Variants in FBH1 observed in about 807,000 individuals in gnomAD.
FBH1 encodes DNA 3'-5' helicase 1.
FBH1 carries 43 observed loss-of-function variants against 115.5 expected under a neutral mutation model. The observed-to-expected ratio is 0.37, with a 90% CI of 0.29 to 0.48. The LOEUF is 0.48. Ranked by LOEUF, FBH1 falls within the 20% of genes least tolerant of loss-of-function variation. The pLI, the probability that FBH1 is intolerant of heterozygous loss-of-function variation, is 0.99. For synonymous variants in FBH1, 524 were observed against 507.8 expected, an observed-to-expected ratio of 1.03 and a Z score of -0.43; for missense variants, 1,001 against 1,337.3, an observed-to-expected ratio of 0.75 and a Z score of 3.92.
Position 5,923,784 on chromosome 10 carries a change from CCCG to C in FBH1, c.2398+89_2398+91del. On this transcript the variant is annotated intron_variant, in intron 16 of 20. Transcript: ENST00000362091. This position sits in a 1 kb window ranked among gnomAD's most constrained non-coding sequence, Gnocchi z 5.7. ...AAGCAGGCCCAGTCTGAGTCAGGGA[CCCG>C]TTTCCCTCCAGAGAAGGGCGAGCTA... 7.9e-7 allele frequency: 1 copy of C among 1,260,564 alleles called. No homozygotes were observed. The highest frequency in any genetic ancestry group is 1.1e-6 in the Non-Finnish European group (1 of 879,066). The allele number at this position is 1,260,564 out of a possible 1,614,324, so 78.1% of individuals were successfully genotyped here.
In FBH1 at chr10:5,914,392, C is replaced by G; in HGVS notation, c.1396+123C>G. ...TGTCATCCAACTAATAATTCAATAA[C>G]AGATCAAATAATCAATCTCAAAAGC... On this transcript the variant is annotated intron_variant, in intron 8 of 20. Coordinates refer to ENST00000362091, the MANE Select transcript of FBH1 (RefSeq NM_178150.3). This position sits in a 1 kb window ranked among gnomAD's most constrained non-coding sequence, Gnocchi z 5.2. 1 of 795,102 alleles carries G rather than the reference C, an allele frequency of 1.3e-6. No homozygotes were observed. The highest frequency in any genetic ancestry group is 2.1e-6 in the Non-Finnish European group (1 of 475,790). 49.3% of individuals were successfully genotyped at this position (795,102 alleles called of 1,614,324 possible). A position where few individuals can be genotyped will look rare whatever the true frequency, so the allele number is the denominator to read the frequency against.
intron 2 of FBH1, among the ~76,000 whole-genome samples, chr10:5,903,804 T>C (rs1472550541): frequency 6.6e-6 from 1 of 152,218 alleles, no homozygotes; most frequent in South Asian, 2.1e-4. Context: ...TCATCTTCTC[T>C]GTCCAATCTG....
At position 5,937,259 on chromosome 10, in the gene FBH1, C is replaced by G. The variant is rs34731660; in HGVS notation, c.3111C>G (p.Ala1037=). 5.0e-3 allele frequency: 8,021 copies of G among 1,603,866 alleles called. 67 individuals are homozygous for G. The highest frequency in any genetic ancestry group is 0.037 in the African/African-American group (2,783 of 74,748). The part of the protein sequence containing the change: ...VENIVLPRHE[A]LLFLVF ...ACATCGTACTGCCCCGGCATGAGGC[C>G]CTGCTCTTCCTCGTCTTCTGAGGAC... The change falls in exon 21 of 21, where the codon GCC becomes GCG. Residue 1037 remains alanine (A), a synonymous_variant. Transcript: ENST00000362091.
chr10:5,918,421 G>C lies in FBH1; in HGVS notation c.2043G>C (p.Arg681=). 6.2e-7 allele frequency: 1 copy of C among 1,612,688 alleles called. No individual in the cohort carries two copies. The highest frequency in any genetic ancestry group is 8.5e-7 in the Non-Finnish European group (1 of 1,179,644). ...CGCACCAGCAGATCTATACCTTCCG[G>C]GGTGCGGTCAACGCCCTGTTCACAG... ...GDPHQQIYTF[R]GAVNALFTVP... Residue 681 remains arginine (R), a synonymous_variant, in exon 13 of 21, where the codon CGG becomes CGC. Transcript: ENST00000362091. The surrounding 1 kb of genome is among the most constrained non-coding windows in gnomAD (Gnocchi z 4.0).
At chr10:5,926,905 A>G (rs1414728958) in intron 18 of FBH1, among the ~76,000 whole-genome samples, 1 of 152,240 alleles carries the variant, frequency 6.6e-6, no homozygotes, top group East Asian at 1.9e-4. Context: ...CAGCACAGAC[A>G]CACAGCACAT....
rs1413264174 is a variant in FBH1 at position 5,909,998 on chromosome 10, AAGG to A, written c.1020+705_1020+707del. ...GACGTGTAGTAACTTAAGAATGGTA[AAGG>A]CTGGGCGTGGTGGCTCACGCCTGTT... On this transcript the variant is annotated intron_variant, in intron 5 of 20. Transcript: ENST00000362091. This position sits in a 1 kb window ranked among gnomAD's most constrained non-coding sequence, Gnocchi z 4.4. Among the ~76,000 whole-genome samples, 2 of 152,128 alleles carry A rather than the reference AAGG, an allele frequency of 1.3e-5. No individual in the cohort carries two copies. The highest frequency in any genetic ancestry group is 2.9e-5 in the Non-Finnish European group (2 of 68,008).
rs1831729117 is a variant in FBH1, at chr10:5,913,369, T to C, written c.1212-378T>C. On this transcript the variant is annotated intron_variant, in intron 6 of 20. Transcript: ENST00000362091. The surrounding 1 kb of genome is among the most constrained non-coding windows in gnomAD (Gnocchi z 4.4). Reference sequence around the variant, plus strand: ...GAGGCTGGTGTTTTATCCACAGGTGTAGTAAGTATCATTCAAACAAGAGTC... The same window carrying C: ...GAGGCTGGTGTTTTATCCACAGGTGCAGTAAGTATCATTCAAACAAGAGTC... Among the ~76,000 whole-genome samples the C allele has an allele frequency of 6.6e-6, 1 of 152,024 alleles. No homozygotes were observed. Among genetic ancestry groups the C allele is most frequent in the Non-Finnish European group, 1.5e-5 (1 of 68,010 alleles).
At chr10:5,890,196 GC>G, upstream of FBH1, 1 of 341,114 alleles carries the variant, frequency 2.9e-6, no homozygotes, top group Admixed American at 4.9e-5. Context: ...CGGGGCTGCG[GC>G]GGGGCGGAGC....
In FBH1 at chr10:5,906,643, G is replaced by A. The variant is rs41290309; in HGVS notation, c.753+11G>A. 5.9e-3 allele frequency: 9,405 copies of A among 1,584,948 alleles called. 35 individuals carry two copies. The highest frequency in any genetic ancestry group is 7.5e-3 in the Non-Finnish European group (8,780 of 1,164,352). ...ATCAGTGACCCGCTGGTGAGTGAGT[G>A]CTGGAGTCGGGAGATGTTTCCTCTA... On this transcript the variant is annotated intron_variant, in intron 3 of 20. Coordinates refer to ENST00000362091, the MANE Select transcript of FBH1 (RefSeq NM_178150.3). The surrounding 1 kb of genome is among the most constrained non-coding windows in gnomAD (Gnocchi z 7.3).
At chr10:5,898,825 A>G (rs894283086) in intron 1 of FBH1, among the ~76,000 whole-genome samples, 2 of 152,340 alleles carry the variant, frequency 1.3e-5, no homozygotes, top group African/African-American at 4.8e-5. Flanking sequence ...CACGCTATCT[A>G]CATACAGAGT....
In FBH1 at chr10:5,915,722, G is replaced by T; in HGVS notation, c.1565+151G>T. ...CTTACAGGCAGGAAACAAATACATA[G>T]GTTTAGCCATTTGTACTTTTATCCT... On this transcript the variant is annotated intron_variant, in intron 9 of 20. Coordinates refer to ENST00000362091, the MANE Select transcript of FBH1 (RefSeq NM_178150.3). The surrounding 1 kb of genome is among the most constrained non-coding windows in gnomAD (Gnocchi z 5.2). The T allele has an allele frequency of 4.5e-6, 3 of 666,020 alleles. No individual in the cohort carries two copies. The highest frequency in any genetic ancestry group is 7.6e-6 in the Non-Finnish European group (3 of 395,298). The allele number at this position is 666,020 out of a possible 1,614,324, so 41.3% of individuals were successfully genotyped here.
Position 5,921,436 on chromosome 10 carries a change from C to T in FBH1, c.2201-12C>T, listed in dbSNP as rs1170139139. The T allele has an allele frequency of 1.9e-6, 3 of 1,608,552 alleles. No homozygotes were observed. The East Asian group carries it at 6.7e-5, about 36-fold the overall frequency. On this transcript the variant is annotated splice_polypyrimidine_tract_variant and intron_variant, in intron 14 of 20. Transcript: ENST00000362091. The surrounding 1 kb of genome is among the most constrained non-coding windows in gnomAD (Gnocchi z 6.4). Reference sequence around the variant, plus strand: ...TTCAATTTGCCATAGAGTTTGTGCTCTCTCCCTAAAGGTGGCATTAGAGGT... The same window carrying T: ...TTCAATTTGCCATAGAGTTTGTGCTTTCTCCCTAAAGGTGGCATTAGAGGT...
At position 5,925,521 on chromosome 10, in the gene FBH1, C is replaced by T. The variant is rs757720076; in HGVS notation, c.2722+29C>T. ...AGAGGCCGCCGGGTAGTGTCAGGTGCTGCTGTATGTAGTGAGTGGTGACTG... is the reference window on the plus strand; with the variant it reads ...AGAGGCCGCCGGGTAGTGTCAGGTGTTGCTGTATGTAGTGAGTGGTGACTG... On this transcript the variant is annotated intron_variant, in intron 18 of 20. Transcript: ENST00000362091. This position sits in a 1 kb window ranked among gnomAD's most constrained non-coding sequence, Gnocchi z 4.6. 1.6e-5 allele frequency: 26 copies of T among 1,611,972 alleles called. No individual in the cohort carries two copies. Among genetic ancestry groups the T allele is most frequent in the Non-Finnish European group, 2.1e-5 (25 of 1,179,518 alleles).
At chr10:5,919,137 T>A (rs996468993) in intron 13 of FBH1, among the ~76,000 whole-genome samples, 13 of 151,864 alleles carry the variant, frequency 8.6e-5, no homozygotes, top group Admixed American at 4.6e-4. Flanking sequence ...TCTTGCTGCA[T>A]TTTTTTTTGT....
chr10:5,908,789 TC>T, intron 3 of FBH1, 135 bp from the exon 4 acceptor site: 1 of 946,906 alleles, frequency 1.1e-6, no homozygotes, highest in Admixed American at 2.5e-5. Context: ...GTATTTTTTT[TC>T]AGTAGAGACG....
chr10:5,914,401 TAATC>T lies in FBH1; in HGVS notation c.1396+137_1396+140del, dbSNP rs977031966. 9.3e-6 allele frequency: 7 copies of T among 756,630 alleles called. No individual in the cohort carries two copies. The highest frequency in any genetic ancestry group is 6.8e-5 in the South Asian group (4 of 58,744). The allele number at this position is 756,630 out of a possible 1,614,324, so 46.9% of individuals were successfully genotyped here. ...ACTAATAATTCAATAACAGATCAAA[TAATC>T]AATCTCAAAAGCAATTGGCCAAGGA... On this transcript the variant is annotated intron_variant, in intron 8 of 20. Transcript: ENST00000362091. This position sits in a 1 kb window ranked among gnomAD's most constrained non-coding sequence, Gnocchi z 5.2.
chr10:5,928,947 G>T (rs193015099), intron 19 of FBH1, among the ~76,000 whole-genome samples: 1 of 152,268 alleles, frequency 6.6e-6, no homozygotes, highest in South Asian at 2.1e-4. Context: ...GCCTACTCTC[G>T]TGGGGTGAGC....
rs1832094926 is a variant in FBH1 at position 5,918,244 on chromosome 10, G to A, written c.1964-98G>A. On this transcript the variant is annotated intron_variant, in intron 12 of 20. Coordinates refer to ENST00000362091, the MANE Select transcript of FBH1 (RefSeq NM_178150.3). The surrounding 1 kb of genome is among the most constrained non-coding windows in gnomAD (Gnocchi z 4.0). Reference sequence around the variant, plus strand: ...AAAAGGCGACCGTGAGGTCCAGTGTGCCCTGGCTTAGCTTCGTGGAAGTGT... The same window carrying A: ...AAAAGGCGACCGTGAGGTCCAGTGTACCCTGGCTTAGCTTCGTGGAAGTGT... 6.8e-7 allele frequency: 1 copy of A among 1,470,158 alleles called. No individual in the cohort carries two copies. Among genetic ancestry groups the A allele is most frequent in the African/African-American group, 1.4e-5 (1 of 69,898 alleles). The allele number at this position is 1,470,158 out of a possible 1,614,324, so 91.1% of individuals were successfully genotyped here. A position where few individuals can be genotyped will look rare whatever the true frequency, so the allele number is the denominator to read the frequency against.
rs767086074 is a variant in FBH1, at chr10:5,906,056, C to T, written c.177C>T (p.Cys59=). The stretch of plus-strand genomic sequence containing the variant: ...CTACAGGTCAGGGAAGTCAAAGATG[C>T]ATCCCTGAGTTCTTCCTAGCAGGCA... The part of the protein sequence containing the change: ...RGSRGQGSQR[C]IPEFFLAGKQ... The change falls in exon 3 of 21, where the codon TGC becomes TGT. Residue 59 remains cysteine (C), a synonymous_variant. Coordinates refer to ENST00000362091, the MANE Select transcript of FBH1 (RefSeq NM_178150.3). This position sits in a 1 kb window ranked among gnomAD's most constrained non-coding sequence, Gnocchi z 7.3. 1 of 1,608,656 alleles carries T rather than the reference C, an allele frequency of 6.2e-7. No individual in the cohort carries two copies. The highest frequency in any genetic ancestry group is 8.5e-7 in the Non-Finnish European group (1 of 1,175,436).
Sources: gnomAD v4.1 joint callset for allele counts (sites outside exome capture counted in the v4.1 genomes callset) on GRCh38, gnomAD v4.1.1 for gene constraint, Gnocchi (gnomAD v3.1) non-coding constraint, MANE v1.5 for transcripts, NCBI Gene and HGNC (gene_info 2026-07-23, HGNC 2026-07-21) for gene names.